PAPOLA: variants seen among roughly 807,000 people sequenced by gnomAD.
The protein encoded by PAPOLA is poly(A) polymerase alpha, also known as polynucleotide adenylyltransferase alpha.
A neutral mutation model predicts 100.6 loss-of-function variants in PAPOLA; 15 were observed. The ratio of observed to expected loss-of-function variants is 0.15; its 90% CI spans 0.10 to 0.23. The LOEUF is 0.23. Among genes scored for constraint, PAPOLA ranks in the 10% least tolerant of loss-of-function variants. The pLI, the probability that PAPOLA is intolerant of heterozygous loss-of-function variation, is 1.00. For synonymous variants in PAPOLA, 293 were observed against 300.0 expected (o/e 0.98, Z 0.24); for missense variants, 533 against 884.2 (o/e 0.60, Z 5.04).
At chr14:96,534,159 C>G in intron 9 of PAPOLA, 1 of 1,060,162 alleles carries the variant, frequency 9.4e-7, no homozygotes, top group Non-Finnish European at 1.1e-6. Flanking sequence ...TTTTGTCTTT[C>G]AGTGGAGATT....
intron 12 of PAPOLA, chr14:96,537,308 C>T (rs376775963): frequency 1.3e-4 from 60 of 459,354 alleles, no homozygotes; most frequent in African/African-American, 1.0e-3. Flanking sequence ...GTTCTGTAGG[C>T]ATACATCAGT....
At chr14:96,560,744 A>AG in intron 20 of PAPOLA, 33 bp downstream of exon 20, 1 of 1,233,504 alleles carries the variant, frequency 8.1e-7, no homozygotes, top group South Asian at 1.3e-5. Flanking sequence ...ATACATACAC[A>AG]ATTAAGAGTA....
At position 96,562,872 on chromosome 14, in the gene PAPOLA, G is replaced by A. The variant is rs755028024; in HGVS notation, c.2121G>A (p.Ala707=). ...STTQSETIQT[A]ASLLASQKTS... is the part of the protein sequence containing the mutation. ...CTCAATCAGAAACTATTCAGACAGC[G>A]GCTTCTCTGTTGGCCTCTCAGGTAC... The change falls in exon 21 of 22, where the codon GCG becomes GCA. Residue 707 remains alanine (A), a synonymous_variant. Transcript: ENST00000216277. 60 of 1,611,498 alleles carry A rather than the reference G, an allele frequency of 3.7e-5. 1 individual carries two copies. Among genetic ancestry groups the A allele is most frequent in the South Asian group, 2.9e-4 (26 of 90,988 alleles).
chr14:96,519,044 G>A (rs1216800718), intron 1 of PAPOLA, among the ~76,000 whole-genome samples: 3 of 152,008 alleles, frequency 2.0e-5, no homozygotes, highest in Non-Finnish European at 2.9e-5. Flanking sequence ...GTGACAGAGC[G>A]AGACTCCATC....
At chr14:96,538,393 T>A (rs1194992718) in intron 12 of PAPOLA, among the ~76,000 whole-genome samples, 1 of 152,068 alleles carries the variant, frequency 6.6e-6, no homozygotes, top group African/African-American at 2.4e-5. Flanking sequence ...CAAATTCACA[T>A]CATTAGAACT....
chr14:96,527,797 G>A (rs952190558), intron 5 of PAPOLA, 156 bp from the exon 6 acceptor site: 8 of 674,540 alleles, frequency 1.2e-5, no homozygotes, highest in Non-Finnish European at 2.2e-5. Flanking sequence ...AGTGGGTGAA[G>A]TAAAATATTT....
chr14:96,531,649 A>T (rs749638855), intron 7 of PAPOLA, 63 bp downstream of exon 7: 1 of 1,550,446 alleles, frequency 6.4e-7, no homozygotes, highest in East Asian at 2.4e-5. Context: ...TTGTTTTTAC[A>T]CAAGTTTTGT....
At chr14:96,516,990 T>C (rs1897522039) in intron 1 of PAPOLA, among the ~76,000 whole-genome samples, 2 of 152,204 alleles carry the variant, frequency 1.3e-5, no homozygotes, top group Admixed American at 6.5e-5. Flanking sequence ...ACTCTTTGTT[T>C]TTTTAATGAT....
Position 96,527,480 on chromosome 14 carries a change from G to C in PAPOLA, c.382G>C (p.Asp128His). ...TGCACCAAGACATGTTGATCGAAGT[G>C]ACTTTTTCACCTCATTCTATGATAA... Reference protein sequence around the residue: ...CVAPRHVDRSDFFTSFYDKLK... With the variant: ...CVAPRHVDRSHFFTSFYDKLK... Residue 128 changes from aspartate to histidine, a missense_variant, in exon 5 of 22, where the codon GAC becomes CAC. By Grantham distance (81) the Asp-to-His change is moderately conservative. Transcript: ENST00000216277. 6.2e-7 allele frequency: 1 copy of C among 1,613,044 alleles called. No individual in the cohort carries two copies. Among genetic ancestry groups the C allele is most frequent in the Non-Finnish European group, 8.5e-7 (1 of 1,179,126 alleles).
At chr14:96,507,112 T>G (rs926878881) in intron 1 of PAPOLA, among the ~76,000 whole-genome samples, 3 of 152,146 alleles carry the variant, frequency 2.0e-5, no homozygotes, top group Non-Finnish European at 2.9e-5. Flanking sequence ...TAATGTTGGT[T>G]TGATGCCAGG....
At chr14:96,542,351 G>A (rs772439714) in intron 13 of PAPOLA, 55 bp downstream of exon 13, 2 of 1,040,556 alleles carry the variant, frequency 1.9e-6, no homozygotes, top group Admixed American at 1.8e-5. Context: ...GAATCACATA[G>A]CCACTGAACA....
Position 96,566,711 on chromosome 14 carries a change from C to T in PAPOLA, c.*1661C>T, listed in dbSNP as rs1017691986. On this transcript the variant is annotated 3_prime_UTR_variant, in exon 22 of 22. Transcript: ENST00000216277. Reference sequence around the variant, plus strand: ...CACAGTCACCTTGCCCTTCCTTCCACCACCGAAGAAAAAAGATGGTCATAC... The same window carrying T: ...CACAGTCACCTTGCCCTTCCTTCCATCACCGAAGAAAAAAGATGGTCATAC... 7.9e-5 allele frequency: 12 copies of T among 152,482 alleles called. No individual in the cohort carries two copies. The highest frequency in any genetic ancestry group is 7.2e-4 in the Admixed American group (11 of 15,252). 9.4% of individuals were successfully genotyped at this position (152,482 alleles called of 1,614,324 possible).
chr14:96,544,795 AGAAAT>A (rs1436739762), intron 15 of PAPOLA, among the ~76,000 whole-genome samples: 1 of 152,084 alleles, frequency 6.6e-6, no homozygotes, highest in African/African-American at 2.4e-5. Flanking sequence ...CTTGAACCTG[AGAAAT>A]TGATGAAGCA....
chr14:96,556,561 G>A (rs895876893), intron 19 of PAPOLA, 148 bp downstream of exon 19: 3 of 671,342 alleles, frequency 4.5e-6, no homozygotes, highest in Non-Finnish European at 7.9e-6. Flanking sequence ...TAGTGCTTTA[G>A]TGCTGTAGTT....
At chr14:96,557,084 T>C (rs1215555353) in intron 19 of PAPOLA, among the ~76,000 whole-genome samples, 2 of 152,184 alleles carry the variant, frequency 1.3e-5, no homozygotes, top group East Asian at 3.9e-4. Context: ...CTGGCTCTTT[T>C]GCCCAGGTTG....
At chr14:96,543,139 A>G (rs760967517) in intron 14 of PAPOLA, among the ~76,000 whole-genome samples, 3 of 152,150 alleles carry the variant, frequency 2.0e-5, no homozygotes, top group Non-Finnish European at 2.9e-5. Flanking sequence ...CCTGTTAGCT[A>G]GAGTTTACAT....
At chr14:96,536,955 T>TA in intron 11 of PAPOLA, 21 bp from the exon 12 acceptor site, 1 of 1,401,194 alleles carries the variant, frequency 7.1e-7, no homozygotes, top group Non-Finnish European at 1.0e-6. Flanking sequence ...ATGCAAACAT[T>TA]TTAATATGTT....
At chr14:96,527,744 AAAAT>A (rs1402393676) in intron 5 of PAPOLA, 2 of 611,656 alleles carry the variant, frequency 3.3e-6, no homozygotes, top group Non-Finnish European at 5.8e-6. Context: ...TGAGGCAAAC[AAAAT>A]AAATATGAAA....
chr14:96,534,442 G>C (rs372052552), intron 9 of PAPOLA, 49 bp from the exon 10 acceptor site: 1 of 1,597,598 alleles, frequency 6.3e-7, no homozygotes, highest in Non-Finnish European at 8.5e-7. Flanking sequence ...AATACGTTTA[G>C]ATGGTAATAT....
Sources: allele counts gnomAD v4.1 joint callset (sites outside exome capture counted in the v4.1 genomes callset), GRCh38; gene constraint gnomAD v4.1.1; transcripts MANE v1.5; gene names NCBI Gene and HGNC (gene_info 2026-07-23, HGNC 2026-07-21).